The following PHACTR1 variants were observed in gnomAD, a reference collection of about 807,000 sequenced individuals.
The protein encoded by PHACTR1 is phosphatase and actin regulator 1, also known as RPEL repeat containing 1.
In PHACTR1, 16 loss-of-function variants were observed where a neutral mutation model predicts 69.2. The ratio of observed to expected loss-of-function variants is 0.23; its 90% CI spans 0.16 to 0.35. PHACTR1 has a LOEUF of 0.35. Ranked by LOEUF, PHACTR1 falls within the 10% of genes least tolerant of loss-of-function variation. The probability of loss-of-function intolerance (pLI) is 1.00; values close to 1 mark genes in which losing one functional copy is unlikely to be tolerated. For synonymous variants in PHACTR1, 312 were observed against 284.5 expected (o/e 1.10, Z -0.97); for missense variants, 510 against 734.7 (o/e 0.69, Z 3.54).
At chr6:12,748,236 G>C (rs1222428222) in intron 3 of PHACTR1, among the ~76,000 whole-genome samples, 2 of 152,170 alleles carry the variant, frequency 1.3e-5, no homozygotes. Flanking sequence ...CCTAAAATGA[G>C]TAGTTACTAT....
intron 5 of PHACTR1, among the ~76,000 whole-genome samples, chr6:13,158,961 T>C (rs1236106422): frequency 6.6e-6 from 1 of 152,266 alleles, no homozygotes; most frequent in African/African-American, 2.4e-5. Context: ...TTTCAAAGGC[T>C]GTGGAGGTTG....
chr6:13,038,684 A>T (rs756677218), intron 4 of PHACTR1, among the ~76,000 whole-genome samples: 35 of 152,202 alleles, frequency 2.3e-4, no homozygotes, highest in Admixed American at 3.9e-4. Context: ...GATTAGGTTC[A>T]GCTGCATAAA....
chr6:12,814,699 GA>G (rs59403413), intron 4 of PHACTR1, among the ~76,000 whole-genome samples: 69,393 of 150,588 alleles, frequency 0.46, 16,857 homozygotes, highest in African/African-American at 0.6. Flanking sequence ...ACAAATGGAA[GA>G]AAAAAAAACA....
chr6:12,913,176 A>G (rs925666398), intron 4 of PHACTR1, among the ~76,000 whole-genome samples: 1 of 152,214 alleles, frequency 6.6e-6, no homozygotes, highest in Non-Finnish European at 1.5e-5. Flanking sequence ...ACAAAGGATG[A>G]TGTCTCCTTG....
chr6:12,889,367 G>A (rs1783944040), intron 4 of PHACTR1, among the ~76,000 whole-genome samples: 1 of 152,214 alleles, frequency 6.6e-6, no homozygotes, highest in African/African-American at 2.4e-5. Context: ...AGATGAATGA[G>A]CCTCTATCTC....
intron 10 of PHACTR1, among the ~76,000 whole-genome samples, chr6:13,268,181 C>T (rs984612220): frequency 2.6e-5 from 4 of 152,274 alleles, no homozygotes; most frequent in South Asian, 2.1e-4. Context: ...GCAGGAGAAT[C>T]GCTTGAACCT....
chr6:12,954,899 G>C (rs910525710), intron 4 of PHACTR1, among the ~76,000 whole-genome samples: 4 of 152,094 alleles, frequency 2.6e-5, no homozygotes, highest in Non-Finnish European at 5.9e-5. Context: ...ATAATCCAGG[G>C]CTTGGCCATC....
At chr6:12,864,833 A>G (rs377163392) in intron 4 of PHACTR1, among the ~76,000 whole-genome samples, 3 of 152,336 alleles carry the variant, frequency 2.0e-5, no homozygotes, top group East Asian at 3.9e-4. Context: ...CATAGTTTCC[A>G]GTGTGGATTT....
intron 4 of PHACTR1, among the ~76,000 whole-genome samples, chr6:12,874,169 A>G (rs1488723630): frequency 6.6e-6 from 1 of 152,214 alleles, no homozygotes; most frequent in Non-Finnish European, 1.5e-5. Context: ...AGAGTTCTGA[A>G]GTTCTAAGAT....
At chr6:13,045,082 A>T (rs369734310) in intron 4 of PHACTR1, among the ~76,000 whole-genome samples, 28 of 152,342 alleles carry the variant, frequency 1.8e-4, no homozygotes, top group African/African-American at 6.7e-4. Flanking sequence ...GACTTTAGTG[A>T]GTAATACAAA....
At chr6:12,890,692 AT>A (rs1784090602) in intron 4 of PHACTR1, among the ~76,000 whole-genome samples, 2 of 152,000 alleles carry the variant, frequency 1.3e-5, no homozygotes, top group African/African-American at 4.8e-5. Context: ...CCCTCACTTC[AT>A]TTAAGTGTTT....
At chr6:12,758,576 A>G (rs539343744) in intron 4 of PHACTR1, among the ~76,000 whole-genome samples, 1 of 152,156 alleles carries the variant, frequency 6.6e-6, no homozygotes, top group Admixed American at 6.5e-5. Context: ...TTATTATCCT[A>G]ATTTTATCCA....
In PHACTR1 at chr6:12,933,514, C is replaced by T. The variant is rs780123206; in HGVS notation, c.251-119851C>T. 59 of 1,473,906 alleles carry T rather than the reference C, an allele frequency of 4.0e-5. No individual in the cohort carries two copies. In the South Asian group the frequency reaches 6.4e-4, roughly 16 times the overall value. 91.3% of individuals were successfully genotyped at this position (1,473,906 alleles called of 1,614,324 possible). On this transcript the variant is annotated intron_variant, in intron 4 of 14. Transcript: ENST00000332995. Reference sequence around the variant, plus strand: ...ATGGACACAAAGGCAGCAAACAGATCGGTTAGAACTGATGACTATTTAATA... The same window carrying T: ...ATGGACACAAAGGCAGCAAACAGATTGGTTAGAACTGATGACTATTTAATA...
chr6:13,099,141 A>G (rs1814742207), intron 5 of PHACTR1, among the ~76,000 whole-genome samples: 1 of 152,160 alleles, frequency 6.6e-6, no homozygotes, highest in Non-Finnish European at 1.5e-5. Context: ...CACCTGGGTA[A>G]AGTCTTAGTT....
rs1773644249 is a variant in PHACTR1, at chr6:13,246,808, A to G, written c.1391+16615A>G. Among the ~76,000 whole-genome samples the G allele has an allele frequency of 6.6e-6, 1 of 152,216 alleles. No homozygotes were observed. Among genetic ancestry groups the G allele is most frequent in the Non-Finnish European group, 1.5e-5 (1 of 68,026 alleles). On this transcript the variant is annotated intron_variant, in intron 10 of 14. Coordinates refer to ENST00000332995, the MANE Select transcript of PHACTR1 (RefSeq NM_030948.6). This position sits in a 1 kb window ranked among gnomAD's most constrained non-coding sequence, Gnocchi z 4.2. ...AGTTGTTCTTCACGTGTCCCCATGT[A>G]TCTTTGTTTACTGGCAAAACACCTC...
chr6:13,286,879 G>C (rs1452357698), intron 14 of PHACTR1, among the ~76,000 whole-genome samples, 184 bp from the exon 15 acceptor site: 2 of 152,180 alleles, frequency 1.3e-5, no homozygotes, highest in Non-Finnish European at 2.9e-5. Flanking sequence ...GAGGCCACCA[G>C]GGCTGCCCCA....
At chr6:13,219,339 T>G (rs1768232910) in intron 8 of PHACTR1, among the ~76,000 whole-genome samples, 1 of 152,180 alleles carries the variant, frequency 6.6e-6, no homozygotes, top group African/African-American at 2.4e-5. Context: ...GCTTACTCGT[T>G]AGTGGGAGCG....
chr6:12,731,172 T>C (rs1457235317), intron 3 of PHACTR1, among the ~76,000 whole-genome samples: 4 of 151,966 alleles, frequency 2.6e-5, no homozygotes, highest in Non-Finnish European at 5.9e-5. Flanking sequence ...CCCGCCACCA[T>C]GCCTGGCTAA....
rs570332379 is a variant in PHACTR1 at position 12,798,494 on chromosome 6, C to T, written c.250+48704C>T. ...AAGGCATTCCAGACTCAAGGAACAGCCTAGACAGCACTACTTAAGTCTTAA... is the reference window on the plus strand; with the variant it reads ...AAGGCATTCCAGACTCAAGGAACAGTCTAGACAGCACTACTTAAGTCTTAA... On this transcript the variant is annotated intron_variant, in intron 4 of 14. Coordinates refer to ENST00000332995, the MANE Select transcript of PHACTR1 (RefSeq NM_030948.6). Among the ~76,000 whole-genome samples, 3 of 152,118 alleles carry T rather than the reference C, an allele frequency of 2.0e-5. 1 individual carries two copies. The East Asian group carries it at 5.8e-4, about 29-fold the overall frequency.
Sources: gnomAD v4.1 joint callset for allele counts (sites outside exome capture counted in the v4.1 genomes callset) on GRCh38, gnomAD v4.1.1 for gene constraint, Gnocchi (gnomAD v3.1) non-coding constraint, MANE v1.5 for transcripts, NCBI Gene and HGNC (gene_info 2026-07-23, HGNC 2026-07-21) for gene names.